MROH2B: variants seen among roughly 807,000 people sequenced by gnomAD.
MROH2B encodes maestro heat-like repeat-containing protein family member 2B.
Under a neutral mutation model 208.6 loss-of-function variants are expected in MROH2B, and 177 were observed. The ratio of observed to expected loss-of-function variants is 0.85; its 90% CI spans 0.75 to 0.96. The LOEUF (loss-of-function observed/expected upper bound fraction) is 0.96. Among genes scored for constraint, MROH2B ranks in the 40% least tolerant of loss-of-function variants. The pLI is 0.00. For missense variants in MROH2B, 2,002 were observed against 1,878.7 expected, an observed-to-expected ratio of 1.07 and a Z score of -1.21; for synonymous variants, 728 against 659.0, an observed-to-expected ratio of 1.10 and a Z score of -1.60.
intron 19 of MROH2B, among the ~76,000 whole-genome samples, chr5:41,040,702 T>C (rs549139336): frequency 1.3e-5 from 2 of 152,316 alleles, no homozygotes; most frequent in East Asian, 1.9e-4. Context: ...AGTCTCACAC[T>C]GTCAACCAGG....
At chr5:41,037,265 G>A (rs915363773) in intron 21 of MROH2B, among the ~76,000 whole-genome samples, 1 of 152,236 alleles carries the variant, frequency 6.6e-6, no homozygotes, top group Non-Finnish European at 1.5e-5. Context: ...ATAGTTTCTT[G>A]TAGAGATGAA....
chr5:41,007,351 G>C lies in MROH2B; in HGVS notation c.3712C>G (p.Pro1238Ala). The change falls in exon 34 of 42, where the codon CCT (proline) becomes GCT (alanine). Residue 1238 changes from proline to alanine, a missense_variant. Coordinates refer to ENST00000399564, the MANE Select transcript of MROH2B (RefSeq NM_173489.5). Reference protein sequence around the residue: ...GDNLWTLLSSPSTHHIGVCSL... With the variant: ...GDNLWTLLSSASTHHIGVCSL... The stretch of plus-strand genomic sequence containing the variant: ...CATACGCCTATGTGGTGGGTACTAG[G>C]ACTGCTGAGTAGAGTCCATAAGTTG... 6.5e-7 allele frequency: 1 copy of C among 1,536,990 alleles called. No homozygotes were observed. The highest frequency in any genetic ancestry group is 8.8e-7 in the Non-Finnish European group (1 of 1,139,200).
intron 29 of MROH2B, 98 bp downstream of exon 29, chr5:41,015,283 T>C (rs890845693): frequency 9.3e-7 from 1 of 1,078,522 alleles, no homozygotes; most frequent in Non-Finnish European, 1.3e-6. Context: ...CTCATTCAGC[T>C]TGAATATCTA....
At chr5:41,057,562 C>CATTTTTTTTTTTTTTTTTTTTTTTTT (rs1743497906) in intron 7 of MROH2B, among the ~76,000 whole-genome samples, 1 of 4,372 alleles carries the variant, frequency 2.3e-4, no homozygotes, top group Non-Finnish European at 5.5e-4. Context: ...GAATATCCCT[C>CATTTTTTTTTTTTTTTTTTTTTTTTT]CTTTTTTTTT....
Position 41,004,802 on chromosome 5 carries a change from C to T in MROH2B, c.3983G>A (p.Gly1328Asp), listed in dbSNP as rs773642906. ...TLRQMAIRGL[G>D]NTASGAPHKV... The stretch of plus-strand genomic sequence containing the variant: ...GTGAGGAGCCCCGGATGCTGTGTTG[C>T]CGAGCCCTCGGATGGCCATCTGCCT... Residue 1328 changes from glycine to aspartate, a missense_variant, in exon 36 of 42, where the codon GGC becomes GAC. Gly to Asp is a moderately conservative substitution (Grantham distance 94, BLOSUM62 -1). Transcript: ENST00000399564. 1.2e-6 allele frequency: 2 copies of T among 1,613,958 alleles called. No individual in the cohort carries two copies. Among genetic ancestry groups the T allele is most frequent in the Non-Finnish European group, 1.7e-6 (2 of 1,179,860 alleles).
chr5:41,007,328 T>TAC lies in MROH2B; in HGVS notation c.3733_3734dup (p.Cys1246TyrfsTer36), dbSNP rs1323832668. 2 of 1,450,716 alleles carry TAC rather than the reference T, an allele frequency of 1.4e-6. No individual in the cohort carries two copies. The highest frequency in any genetic ancestry group is 1.8e-6 in the Non-Finnish European group (2 of 1,096,414). The allele number at this position is 1,450,716 out of a possible 1,614,324, so 89.9% of individuals were successfully genotyped here. ...GTGCACATTACCTGGCCAGTGAACA[T>TAC]ACGCCTATGTGGTGGGTACTAGGAC... On this transcript the variant is annotated frameshift_variant, in exon 34 of 42. Transcript: ENST00000399564. LOFTEE classifies it high-confidence loss of function.
rs1049461208 is a variant in MROH2B at position 40,998,653 on chromosome 5, C to A, written c.4610G>T (p.Ser1537Ile). ...LTDAVVLNLT[S>I]QYVELLDREQ... ...TCTGTCTAGTAACTCCACATATTGG[C>A]TGGTCAAATTGAGAACAACGGCATC... The change falls in exon 41 of 42, where the codon AGC (serine) becomes ATC (isoleucine). Residue 1537 changes from serine (S) to isoleucine (I), a missense_variant. Physicochemically the swap from Ser to Ile is moderately radical, Grantham distance 142. Transcript: ENST00000399564. The A allele has an allele frequency of 6.3e-7, 1 of 1,592,008 alleles. No individual in the cohort carries two copies. The highest frequency in any genetic ancestry group is 8.6e-7 in the Non-Finnish European group (1 of 1,168,414).
In MROH2B at chr5:41,049,301, G is replaced by A; in HGVS notation, c.1480C>T (p.Leu494Phe). ...AGACCAGCTCCTGTAGAGACGACAA[G>A]TGCTGTCGACTCCTTGGCACTGTGC... ...KQHSAKESTA[L>F]VVSTGAVKLP... is the part of the protein sequence containing the mutation. The change falls in exon 14 of 42, where the codon CTT becomes TTT. Residue 494 changes from leucine (L) to phenylalanine (F), a missense_variant. Physicochemically the swap from Leu to Phe is conservative, Grantham distance 22. Transcript: ENST00000399564. The A allele has an allele frequency of 6.2e-7, 1 of 1,613,534 alleles. No homozygotes were observed. Among genetic ancestry groups the A allele is most frequent in the Non-Finnish European group, 8.5e-7 (1 of 1,179,698 alleles).
intron 5 of MROH2B, among the ~76,000 whole-genome samples, chr5:41,064,160 C>A (rs904313194): frequency 1.3e-5 from 2 of 151,866 alleles, no homozygotes; most frequent in African/African-American, 4.8e-5. Flanking sequence ...TTCCCACAGA[C>A]CTGGGTTTGA....
Position 41,018,445 on chromosome 5 carries a change from A to G in MROH2B, c.2674-15T>C. On this transcript the variant is annotated splice_polypyrimidine_tract_variant and intron_variant, in intron 26 of 41. Coordinates refer to ENST00000399564, the MANE Select transcript of MROH2B (RefSeq NM_173489.5). ...ATTTGGAGAAGCTGTTGGTCAAAGAATAAATGTTCTTTCCTTAGTATTCTT... is the reference window on the plus strand; with the variant it reads ...ATTTGGAGAAGCTGTTGGTCAAAGAGTAAATGTTCTTTCCTTAGTATTCTT... The G allele has an allele frequency of 1.2e-6, 2 of 1,607,770 alleles. No homozygotes were observed. The highest frequency in any genetic ancestry group is 1.7e-6 in the Non-Finnish European group (2 of 1,176,788).
At chr5:41,054,862 T>G (rs1198384786) in intron 10 of MROH2B, 22 bp from the exon 11 acceptor site, 7 of 1,553,334 alleles carry the variant, frequency 4.5e-6, no homozygotes, top group Non-Finnish European at 6.2e-6. Context: ...AGGGAGAAAT[T>G]GAGAGGCCTG....
chr5:40,998,137 T>A lies in MROH2B; in HGVS notation c.4673A>T (p.Asp1558Val), dbSNP rs905721380. The A allele has an allele frequency of 3.1e-6, 5 of 1,611,726 alleles. No individual in the cohort carries two copies. In the African/African-American group the frequency reaches 5.3e-5, roughly 17 times the overall value. ...TGCTCTCTGGACACTAATACACGGA[T>A]CTTGACGAAGTGCTTGGAGTCCTGA... ...LTTRLQALRQ[D>V]PCISVQRAAE... The change falls in exon 42 of 42, where the codon GAT becomes GTT. Residue 1558 changes from aspartate to valine, a missense_variant. Coordinates refer to ENST00000399564, the MANE Select transcript of MROH2B (RefSeq NM_173489.5).
intron 37 of MROH2B, among the ~76,000 whole-genome samples, chr5:41,001,332 C>T (rs1741390011): frequency 6.6e-6 from 1 of 152,118 alleles, no homozygotes; most frequent in African/African-American, 2.4e-5. Context: ...AGAGGTTAAA[C>T]ACAGAGGTGC....
At chr5:41,057,563 C>CATTTTTTTTTTT (rs1743498160) in intron 7 of MROH2B, among the ~76,000 whole-genome samples, 1 of 73,252 alleles carries the variant, frequency 1.4e-5, no homozygotes. Flanking sequence ...AATATCCCTC[C>CATTTTTTTTTTT]TTTTTTTTTT....
chr5:41,007,534 C>T lies in MROH2B; in HGVS notation c.3609-80G>A, dbSNP rs990451201. ...AATTCCCAAGTTTGCCTTTCCACTC[C>T]TCACAATGCTTTCCCACCCCTGGAC... On this transcript the variant is annotated intron_variant, in intron 33 of 41. Coordinates refer to ENST00000399564, the MANE Select transcript of MROH2B (RefSeq NM_173489.5). 5.5e-6 allele frequency: 7 copies of T among 1,271,406 alleles called. 1 individual carries two copies. Among genetic ancestry groups the T allele is most frequent in the Middle Eastern group, 4.0e-4 (2 of 5,014 alleles). The allele number at this position is 1,271,406 out of a possible 1,614,324, so 78.8% of individuals were successfully genotyped here. A position where few individuals can be genotyped will look rare whatever the true frequency, so the allele number is the denominator to read the frequency against.
At chr5:41,013,044 T>C (rs1282612881) in intron 29 of MROH2B, among the ~76,000 whole-genome samples, 1 of 152,232 alleles carries the variant, frequency 6.6e-6, no homozygotes, top group East Asian at 1.9e-4. Context: ...TAATGCAGAA[T>C]GTTTACATAG....
chr5:41,040,803 T>C (rs1433420372), intron 19 of MROH2B, among the ~76,000 whole-genome samples: 1 of 152,046 alleles, frequency 6.6e-6, no homozygotes, highest in Non-Finnish European at 1.5e-5. Flanking sequence ...GTAGCTGGGA[T>C]TACAGGTGTA....
chr5:41,018,782 A>C lies in MROH2B; in HGVS notation c.2582T>G (p.Leu861Arg), dbSNP rs201647099. The C allele has an allele frequency of 5.7e-5, 92 of 1,613,896 alleles. 1 individual carries two copies. The Admixed American group carries it at 1.1e-3, about 20-fold the overall frequency. ...TDKDKEHIQFLYERSMDALGK... is the reference protein window; with the variant it reads ...TDKDKEHIQFRYERSMDALGK... ...TAGGGCGTCCATGGATCGTTCATAG[A>C]GAAACTGAAATCAAATATGTGTGTG... The change falls in exon 26 of 42, where the codon CTC (leucine) becomes CGC (arginine). Residue 861 changes from leucine (L) to arginine (R), a missense_variant. Transcript: ENST00000399564.
chr5:41,018,394 C>A lies in MROH2B; in HGVS notation c.2710G>T (p.Glu904Ter). 3 of 1,613,200 alleles carry A rather than the reference C, an allele frequency of 1.9e-6. No individual in the cohort carries two copies. Among genetic ancestry groups the A allele is most frequent in the Non-Finnish European group, 2.5e-6 (3 of 1,179,718 alleles). The change falls in exon 27 of 42, where the codon GAA becomes TAA. Residue 904 changes from glutamate to a stop codon, truncating the protein, a stop_gained. Transcript: ENST00000399564. LOFTEE classifies it high-confidence loss of function. ...QMWLVSQKEW[E>*]RERAFQITAK... ...GTGATCTGGAAGGCTCTTTCTCTTTCCCACTCTTTTTGTGAAACAAGCCAC... is the reference window on the plus strand; with the variant it reads ...GTGATCTGGAAGGCTCTTTCTCTTTACCACTCTTTTTGTGAAACAAGCCAC...
Sources: gnomAD v4.1 joint callset for allele counts (sites outside exome capture counted in the v4.1 genomes callset) on GRCh38, gnomAD v4.1.1 for gene constraint, MANE v1.5 for transcripts, NCBI Gene and HGNC (gene_info 2026-07-23, HGNC 2026-07-21) for gene names.